MXD1: variants seen among roughly 807,000 people sequenced by gnomAD.
MXD1 encodes MAX dimerization protein 1, also known as MAX-binding protein.
Under a neutral mutation model 25.7 loss-of-function variants are expected in MXD1, and 9 were observed. That is an observed-to-expected ratio of 0.35 (90% CI 0.21 to 0.61). The LOEUF is 0.61. Among genes scored for constraint, MXD1 ranks in the 20% least tolerant of loss-of-function variants. MXD1 has a pLI of 0.75. For missense variants in MXD1, 227 were observed against 292.4 expected, an observed-to-expected ratio of 0.78 and a Z score of 1.63; for synonymous variants, 99 against 113.9, an observed-to-expected ratio of 0.87 and a Z score of 0.83.
chr2:69,928,260 G>A (rs1486277269), intron 3 of MXD1, among the ~76,000 whole-genome samples: 1 of 152,150 alleles, frequency 6.6e-6, no homozygotes, highest in Admixed American at 6.5e-5. Flanking sequence ...TGATAAAATG[G>A]TGAAACCTCA....
chr2:69,915,455 G>T lies in MXD1; in HGVS notation c.73+52G>T. On this transcript the variant is annotated intron_variant, in intron 1 of 5. Transcript: ENST00000264444. This position sits in a 1 kb window ranked among gnomAD's most constrained non-coding sequence, Gnocchi z 5.8. ...TCGAAACGAGGCCGGGGGTCCTGTG[G>T]GGCCGGCCTCAGGTCCGGGCGCCCA... is the stretch of plus-strand genomic sequence containing the variant. 1 of 1,246,564 alleles carries T rather than the reference G, an allele frequency of 8.0e-7. No homozygotes were observed. The highest frequency in any genetic ancestry group is 1.0e-6 in the Non-Finnish European group (1 of 982,266). The allele number at this position is 1,246,564 out of a possible 1,614,324, so 77.2% of individuals were successfully genotyped here. A position where few individuals can be genotyped will look rare whatever the true frequency, so the allele number is the denominator to read the frequency against.
intron 3 of MXD1, among the ~76,000 whole-genome samples, chr2:69,934,810 T>A (rs191335803): frequency 1.5e-3 from 226 of 152,360 alleles, no homozygotes; most frequent in Non-Finnish European, 2.5e-3. Context: ...ACGGTGTGGA[T>A]GTAGCATAAT....
chr2:69,936,768 A>G (rs1005281183), intron 4 of MXD1, among the ~76,000 whole-genome samples: 2 of 152,230 alleles, frequency 1.3e-5, no homozygotes, highest in Admixed American at 6.5e-5. Context: ...GTTAATTGAG[A>G]TTTGGCATGA....
intron 3 of MXD1, among the ~76,000 whole-genome samples, chr2:69,932,741 T>C (rs1357369906): frequency 2.0e-5 from 3 of 152,226 alleles, no homozygotes; most frequent in African/African-American, 7.2e-5. Context: ...AAGATGACTT[T>C]ATTATATTTT....
chr2:69,921,021 T>A (rs1677054444), intron 2 of MXD1, among the ~76,000 whole-genome samples: 1 of 152,316 alleles, frequency 6.6e-6, no homozygotes, highest in African/African-American at 2.4e-5. Context: ...TAATTCGTAA[T>A]TATTTTTATT....
At chr2:69,934,380 A>C (rs965050746) in intron 3 of MXD1, among the ~76,000 whole-genome samples, 9 of 152,168 alleles carry the variant, frequency 5.9e-5, no homozygotes, top group African/African-American at 2.2e-4. Context: ...ATTTCAAGGA[A>C]ATGTAAATTT....
chr2:69,933,184 A>G (rs1358340355), intron 3 of MXD1, among the ~76,000 whole-genome samples: 3 of 143,162 alleles, frequency 2.1e-5, no homozygotes, highest in African/African-American at 5.2e-5. Flanking sequence ...GGGCGACAAG[A>G]GCAAGAACTC....
At chr2:69,923,943 A>G (rs1007981137) in intron 3 of MXD1, among the ~76,000 whole-genome samples, 1 of 152,218 alleles carries the variant, frequency 6.6e-6, no homozygotes, top group Admixed American at 6.5e-5. Context: ...TTATTATTAA[A>G]ATTTGATCGC....
At chr2:69,931,140 T>C (rs1178287405) in intron 3 of MXD1, among the ~76,000 whole-genome samples, 1 of 152,230 alleles carries the variant, frequency 6.6e-6, no homozygotes, top group Non-Finnish European at 1.5e-5. Context: ...AAGTAAAATG[T>C]GGTGTTCATC....
intron 3 of MXD1, among the ~76,000 whole-genome samples, chr2:69,934,538 C>A (rs905671573): frequency 6.6e-6 from 1 of 152,172 alleles, no homozygotes; most frequent in Non-Finnish European, 1.5e-5. Context: ...TCAGTAAAAA[C>A]CCCCATCACT....
chr2:69,932,974 A>G (rs1477917435), intron 3 of MXD1, among the ~76,000 whole-genome samples: 4 of 152,194 alleles, frequency 2.6e-5, no homozygotes, highest in Non-Finnish European at 5.9e-5. Flanking sequence ...TGAGGCAGGC[A>G]GATTGCTTGA....
chr2:69,917,554 C>T (rs955781830), intron 2 of MXD1, among the ~76,000 whole-genome samples: 11 of 152,118 alleles, frequency 7.2e-5, no homozygotes, highest in African/African-American at 2.7e-4. Flanking sequence ...TCTGGAAAAG[C>T]ATCATCCATT....
At chr2:69,931,973 G>C (rs544585698) in intron 3 of MXD1, among the ~76,000 whole-genome samples, 103 of 152,264 alleles carry the variant, frequency 6.8e-4, no homozygotes, top group African/African-American at 2.3e-3. Flanking sequence ...TGTGATGGGA[G>C]GAGAGTCAAC....
intron 3 of MXD1, among the ~76,000 whole-genome samples, chr2:69,929,090 G>A (rs371531928): frequency 2.0e-5 from 3 of 152,066 alleles, no homozygotes; most frequent in Admixed American, 2.0e-4. Context: ...GATGGGTTTC[G>A]CCATGTTGCC....
Position 69,938,340 on chromosome 2 carries a change from G to A in MXD1, c.*56G>A. On this transcript the variant is annotated 3_prime_UTR_variant, in exon 6 of 6. Transcript: ENST00000264444. The stretch of plus-strand genomic sequence containing the variant: ...GGTTCTCCCTGTTGGTTCTGATTAG[G>A]TAACGTATTGGACCTGCCCACAACT... The A allele has an allele frequency of 6.4e-7, 1 of 1,571,752 alleles. No homozygotes were observed. Among genetic ancestry groups the A allele is most frequent in the Non-Finnish European group, 8.7e-7 (1 of 1,149,204 alleles).
At chr2:69,921,267 G>T (rs547256268) in intron 2 of MXD1, among the ~76,000 whole-genome samples, 4 of 152,248 alleles carry the variant, frequency 2.6e-5, no homozygotes, top group Middle Eastern at 3.4e-3. Context: ...GGGGAAGGGG[G>T]TTATTTTACT....
chr2:69,919,624 A>G (rs1337573063), intron 2 of MXD1, among the ~76,000 whole-genome samples: 2 of 151,898 alleles, frequency 1.3e-5, no homozygotes, highest in African/African-American at 2.4e-5. Context: ...GGATCCCACT[A>G]TGCCCATCTA....
In MXD1 at chr2:69,938,277, G is replaced by T. The variant is rs774081091; in HGVS notation, c.659G>T (p.Gly220Val). 6.2e-7 allele frequency: 1 copy of T among 1,614,048 alleles called. No homozygotes were observed. The highest frequency in any genetic ancestry group is 1.7e-5 in the Admixed American group (1 of 60,008). The change falls in exon 6 of 6, where the codon GGT (glycine) becomes GTT (valine). Residue 220 changes from glycine to valine, a missense_variant. Physicochemically the swap from Gly to Val is moderately radical, Grantham distance 109. Coordinates refer to ENST00000264444, the MANE Select transcript of MXD1 (RefSeq NM_002357.4). ...CAGGACAGTCACAAGGCGTGTCTTGGTCTCTAAGAGAGTGGGCACTGCGGC... is the reference window on the plus strand; with the variant it reads ...CAGGACAGTCACAAGGCGTGTCTTGTTCTCTAAGAGAGTGGGCACTGCGGC... Reference protein sequence around the residue: ...KLQDSHKACLGL With the variant: ...KLQDSHKACLVL
chr2:69,924,697 T>C (rs1015717984), intron 3 of MXD1, among the ~76,000 whole-genome samples: 2 of 152,166 alleles, frequency 1.3e-5, no homozygotes, highest in African/African-American at 4.8e-5. Flanking sequence ...ATGGCTTTCA[T>C]TGCTTCTTGG....
Sources: allele counts gnomAD v4.1 joint callset (sites outside exome capture counted in the v4.1 genomes callset), GRCh38; gene constraint gnomAD v4.1.1; non-coding constraint Gnocchi (gnomAD v3.1); transcripts MANE v1.5; gene names NCBI Gene and HGNC (gene_info 2026-07-23, HGNC 2026-07-21).